Variants in CMSS1 observed in about 807,000 individuals in gnomAD.
The protein encoded by CMSS1 is protein CMSS1.
CMSS1 carries 33 observed loss-of-function variants against 43.5 expected under a neutral mutation model. The observed-to-expected ratio is 0.76, with a 90% CI of 0.57 to 1.01. The LOEUF (loss-of-function observed/expected upper bound fraction) is 1.01, where lower values mean the gene tolerates loss of function less well. Among genes scored for constraint, CMSS1 ranks in the 50% least tolerant of loss-of-function variants. CMSS1 has a pLI of 0.00. For missense variants in CMSS1, 313 were observed against 326.4 expected (o/e 0.96, Z 0.32); for synonymous variants, 115 against 117.2 (o/e 0.98, Z 0.12).
chr3:99,964,006 G>T (rs1055270168), intron 1 of CMSS1, among the ~76,000 whole-genome samples: 1 of 152,086 alleles, frequency 6.6e-6, no homozygotes, highest in Non-Finnish European at 1.5e-5. Flanking sequence ...CCAAGGTGAA[G>T]CTGATTTCAC....
At chr3:100,084,237 C>T (rs2065972675) in intron 1 of CMSS1, among the ~76,000 whole-genome samples, 1 of 152,106 alleles carries the variant, frequency 6.6e-6, no homozygotes. Context: ...TAATAGCAGC[C>T]TTTGGAGTGG....
At chr3:100,039,058 A>G (rs974329843) in intron 1 of CMSS1, among the ~76,000 whole-genome samples, 3 of 150,850 alleles carry the variant, frequency 2.0e-5, no homozygotes, top group Non-Finnish European at 2.9e-5. Context: ...CAGATGTTGG[A>G]AAAACTCCTA....
intron 1 of CMSS1, among the ~76,000 whole-genome samples, chr3:99,861,776 T>C (rs1273018808): frequency 6.6e-6 from 1 of 152,168 alleles, no homozygotes; most frequent in Non-Finnish European, 1.5e-5. Flanking sequence ...TGGAAAACTA[T>C]GAGAGGCAGG....
At chr3:99,848,360 T>C (rs763879422) in intron 1 of CMSS1, 1 of 1,614,178 alleles carries the variant, frequency 6.2e-7, no homozygotes, top group Non-Finnish European at 8.5e-7. Context: ...CTGGTGACTT[T>C]ATTGGTTGTT....
chr3:100,034,774 T>C (rs1236601879), intron 1 of CMSS1, among the ~76,000 whole-genome samples: 5 of 152,196 alleles, frequency 3.3e-5, no homozygotes. Context: ...AGGAGGGGCA[T>C]GCTTTAAACC....
intron 2 of CMSS1, among the ~76,000 whole-genome samples, chr3:100,157,782 G>T (rs1468587413): frequency 2.0e-5 from 3 of 152,200 alleles, no homozygotes; most frequent in Admixed American, 6.5e-5. Context: ...AGCAGTAATG[G>T]GATAGTTGCT....
chr3:100,135,750 G>A (rs2066748292), intron 1 of CMSS1, among the ~76,000 whole-genome samples: 2 of 152,170 alleles, frequency 1.3e-5, no homozygotes, highest in Admixed American at 1.3e-4. Flanking sequence ...GCTAGTGACA[G>A]AAATTTTGTA....
intron 1 of CMSS1, among the ~76,000 whole-genome samples, chr3:99,956,741 A>G (rs1377772740): frequency 1.3e-5 from 2 of 152,022 alleles, no homozygotes; most frequent in East Asian, 3.9e-4. Context: ...CTTTCTCACT[A>G]TTGGTTCTTT....
chr3:100,116,710 T>C (rs1442882113), intron 1 of CMSS1, among the ~76,000 whole-genome samples: 1 of 152,202 alleles, frequency 6.6e-6, no homozygotes, highest in Non-Finnish European at 1.5e-5. Context: ...TCTAACACCA[T>C]AGACATAATC....
chr3:99,826,203 CT>C (rs1407227980), intron 1 of CMSS1, among the ~76,000 whole-genome samples: 3 of 152,162 alleles, frequency 2.0e-5, no homozygotes, highest in African/African-American at 7.2e-5. Context: ...TTTTTATCAG[CT>C]TTCATAGAAT....
At chr3:99,876,081 C>G (rs746672689) in intron 1 of CMSS1, 1 of 986,488 alleles carries the variant, frequency 1.0e-6, no homozygotes, top group Non-Finnish European at 1.2e-6. Flanking sequence ...CCTGAACTGC[C>G]TGCGCCGGGG....
chr3:100,049,555 T>C (rs1454880763), intron 1 of CMSS1, among the ~76,000 whole-genome samples: 1 of 152,134 alleles, frequency 6.6e-6, no homozygotes, highest in Non-Finnish European at 1.5e-5. Flanking sequence ...TAAAAGTGAT[T>C]AGAATATAAA....
At chr3:99,850,057 A>AT (rs751515338) in intron 1 of CMSS1, 1 of 1,612,040 alleles carries the variant, frequency 6.2e-7, no homozygotes, top group Admixed American at 1.7e-5. Flanking sequence ...AGTTTCCTCA[A>AT]TTAACTTCTC....
intron 1 of CMSS1, among the ~76,000 whole-genome samples, chr3:99,924,825 A>G (rs1229233908): frequency 6.6e-6 from 1 of 152,158 alleles, no homozygotes; most frequent in Non-Finnish European, 1.5e-5. Flanking sequence ...CCCGGCCAGC[A>G]GTGGGTTTTT....
chr3:100,090,290 A>G (rs1243928170), intron 1 of CMSS1, among the ~76,000 whole-genome samples: 1 of 152,232 alleles, frequency 6.6e-6, no homozygotes, highest in Non-Finnish European at 1.5e-5. Context: ...TGAGTCTTTA[A>G]GATAGTCAAG....
chr3:99,962,561 GT>G (rs1382467922), intron 1 of CMSS1, among the ~76,000 whole-genome samples: 1 of 152,140 alleles, frequency 6.6e-6, no homozygotes, highest in Non-Finnish European at 1.5e-5. Context: ...AGATAATATT[GT>G]TTTAACATTC....
chr3:99,841,375 C>T (rs1288156985), intron 1 of CMSS1, among the ~76,000 whole-genome samples: 3 of 152,148 alleles, frequency 2.0e-5, no homozygotes, highest in Non-Finnish European at 4.4e-5. Flanking sequence ...ATGTAGATAA[C>T]CAACCACCTT....
intron 1 of CMSS1, among the ~76,000 whole-genome samples, chr3:99,901,939 T>C (rs1706451691): frequency 6.6e-6 from 1 of 152,164 alleles, no homozygotes; most frequent in Non-Finnish European, 1.5e-5. Context: ...ACACAAAATA[T>C]GTGTTGCTGA....
At chr3:100,060,413 G>A (rs1158060991) in intron 1 of CMSS1, among the ~76,000 whole-genome samples, 1 of 151,930 alleles carries the variant, frequency 6.6e-6, no homozygotes, top group East Asian at 1.9e-4. Flanking sequence ...CCTTGGCCTA[G>A]CAAGGTAGCT....
Sources: allele counts gnomAD v4.1 joint callset (sites outside exome capture counted in the v4.1 genomes callset), GRCh38; gene constraint gnomAD v4.1.1; transcripts MANE v1.5; gene names NCBI Gene and HGNC (gene_info 2026-07-23, HGNC 2026-07-21).